FNIP1: variants seen among roughly 807,000 people sequenced by gnomAD.
FNIP1 encodes the protein folliculin interacting protein 1.
Under a neutral mutation model 124.5 loss-of-function variants are expected in FNIP1, and 40 were observed. The ratio of observed to expected loss-of-function variants is 0.32; its 90% CI spans 0.25 to 0.42. The LOEUF is 0.42. FNIP1 is among the 10% of genes least tolerant of loss of function. FNIP1 has a pLI of 1.00. For synonymous variants in FNIP1, 472 were observed against 470.6 expected (o/e 1.00, Z -0.04); for missense variants, 1,176 against 1,403.7 (o/e 0.84, Z 2.59).
rs548488336 is a variant in FNIP1, at chr5:131,665,080, AATC to A, written c.3108+5380_3108+5382del. 1.8e-4 allele frequency among the ~76,000 whole-genome samples: 27 copies of A among 152,188 alleles called. No homozygotes were observed. The East Asian group carries it at 5.2e-3, about 29-fold the overall frequency. ...TAAATACACATACATACAGAATAATAATCATAACAAGAAGATGCAAAGCACAGT... is the reference window on the plus strand; with the variant it reads ...TAAATACACATACATACAGAATAATAATAACAAGAAGATGCAAAGCACAGT... On this transcript the variant is annotated intron_variant, in intron 15 of 17. Transcript: ENST00000510461.
intron 3 of FNIP1, among the ~76,000 whole-genome samples, chr5:131,722,441 T>A (rs909672912): frequency 6.6e-6 from 1 of 152,202 alleles, no homozygotes; most frequent in Non-Finnish European, 1.5e-5. Flanking sequence ...CTAAAATATT[T>A]AGGAAAATTC....
chr5:131,718,442 C>G (rs1769544372), intron 5 of FNIP1, among the ~76,000 whole-genome samples: 1 of 152,168 alleles, frequency 6.6e-6, no homozygotes, highest in Admixed American at 6.5e-5. Flanking sequence ...TCTTCCACTG[C>G]CTAACTTTAG....
intron 5 of FNIP1, among the ~76,000 whole-genome samples, chr5:131,717,947 C>T (rs746431348): frequency 4.7e-4 from 71 of 151,456 alleles, no homozygotes; most frequent in Middle Eastern, 3.4e-3. Flanking sequence ...TTTGGGAGGC[C>T]GAGGCAGGCA....
chr5:131,677,492 C>A, intron 13 of FNIP1: 1 of 461,656 alleles, frequency 2.2e-6, no homozygotes, highest in Non-Finnish European at 3.9e-6. Context: ...GCTCCTCTTG[C>A]TCTACCTGCA....
intron 1 of FNIP1, among the ~76,000 whole-genome samples, chr5:131,763,366 A>G (rs1245059597): frequency 2.6e-5 from 4 of 151,954 alleles, no homozygotes; most frequent in South Asian, 2.1e-4. Flanking sequence ...ATGAATGCAT[A>G]TTATTGGTCC....
chr5:131,785,384 G>A (rs923393647), intron 1 of FNIP1, among the ~76,000 whole-genome samples: 4 of 151,316 alleles, frequency 2.6e-5, no homozygotes, highest in South Asian at 2.1e-4. Context: ...GTGAAACCCC[G>A]CCGCTACTAA....
chr5:131,728,504 C>T (rs1213578074), intron 3 of FNIP1, among the ~76,000 whole-genome samples: 1 of 152,006 alleles, frequency 6.6e-6, no homozygotes, highest in Non-Finnish European at 1.5e-5. Context: ...TCATGAAGTT[C>T]TCGTACTGTG....
chr5:131,652,085 C>A, intron 15 of FNIP1, 86 bp from the exon 16 acceptor site: 5 of 1,269,560 alleles, frequency 3.9e-6, no homozygotes, highest in Non-Finnish European at 5.4e-6. Context: ...GTTTACTAAA[C>A]AAAAACAGAA....
In FNIP1 at chr5:131,644,623, T is replaced by C. The variant is rs1000822328; in HGVS notation, c.*62A>G. On this transcript the variant is annotated 3_prime_UTR_variant, in exon 18 of 18. Coordinates refer to ENST00000510461, the MANE Select transcript of FNIP1 (RefSeq NM_133372.3). ...GAAAAAGAATCTCCATAAATGCATG[T>C]TGTGTCTGCTTCCTTGGTTTCTACC... 9 of 1,391,810 alleles carry C rather than the reference T, an allele frequency of 6.5e-6. No individual in the cohort carries two copies. The highest frequency in any genetic ancestry group is 1.7e-5 in the Admixed American group (1 of 59,130). 86.2% of individuals were successfully genotyped at this position (1,391,810 alleles called of 1,614,324 possible). A position where few individuals can be genotyped will look rare whatever the true frequency, so the allele number is the denominator to read the frequency against.
Position 131,693,342 on chromosome 5 carries a change from A to G in FNIP1, c.1202+5575T>C, listed in dbSNP as rs1434771182. 6.9e-5 allele frequency among the ~76,000 whole-genome samples: 9 copies of G among 130,978 alleles called. 1 individual carries two copies. Among genetic ancestry groups the G allele is most frequent in the African/African-American group, 1.4e-4 (5 of 35,144 alleles). The allele number at this position is 130,978 out of a possible 152,430, so 85.9% of individuals were successfully genotyped here. A position where few individuals can be genotyped will look rare whatever the true frequency, so the allele number is the denominator to read the frequency against. On this transcript the variant is annotated intron_variant, in intron 11 of 17. Transcript: ENST00000510461. Reference sequence around the variant, plus strand: ...CACATATATATATATACATATATATATATATATATATATATATATAGTTAC... The same window carrying G: ...CACATATATATATATACATATATATGTATATATATATATATATATAGTTAC...
At chr5:131,716,749 CA>C in intron 5 of FNIP1, 93 bp from the exon 6 acceptor site, 7 of 670,694 alleles carry the variant, frequency 1.0e-5, no homozygotes, top group Non-Finnish European at 1.7e-5. Flanking sequence ...AGTGCAAAAA[CA>C]GTTTCTTCCT....
chr5:131,696,101 T>G (rs74291366), intron 11 of FNIP1, among the ~76,000 whole-genome samples: 2 of 152,246 alleles, frequency 1.3e-5, no homozygotes, highest in African/African-American at 4.8e-5. Flanking sequence ...ATAATCCTGA[T>G]GTTAAAATTA....
chr5:131,786,107 C>T (rs1307795746), intron 1 of FNIP1, among the ~76,000 whole-genome samples: 1 of 152,126 alleles, frequency 6.6e-6, no homozygotes, highest in African/African-American at 2.4e-5. Context: ...GAAAAATCTG[C>T]TTAAATTGCT....
intron 1 of FNIP1, among the ~76,000 whole-genome samples, chr5:131,754,076 T>G (rs1436492056): frequency 6.6e-6 from 1 of 152,218 alleles, no homozygotes; most frequent in South Asian, 2.1e-4. Context: ...TCTCCCAAAG[T>G]GGTGGGATTA....
chr5:131,776,927 TA>T (rs1236940729), intron 1 of FNIP1, among the ~76,000 whole-genome samples: 4 of 152,148 alleles, frequency 2.6e-5, no homozygotes, highest in African/African-American at 9.7e-5. Flanking sequence ...GAATACATGT[TA>T]TACTTCAATA....
chr5:131,723,194 T>C (rs1284513105), intron 3 of FNIP1, among the ~76,000 whole-genome samples: 1 of 152,208 alleles, frequency 6.6e-6, no homozygotes, highest in Non-Finnish European at 1.5e-5. Context: ...CAGTATTACT[T>C]GGCAACCTAA....
chr5:131,738,602 C>G (rs1770398698), intron 2 of FNIP1, among the ~76,000 whole-genome samples: 1 of 152,088 alleles, frequency 6.6e-6, no homozygotes, highest in African/African-American at 2.4e-5. Flanking sequence ...TGGGATCAAG[C>G]AATTCTCGTG....
intron 15 of FNIP1, among the ~76,000 whole-genome samples, chr5:131,662,162 G>A (rs189719868): frequency 6.6e-6 from 1 of 152,222 alleles, no homozygotes; most frequent in East Asian, 1.9e-4. Flanking sequence ...CAAGCCCTTG[G>A]GTGAGTTTTG....
At position 131,746,653 on chromosome 5, in the gene FNIP1, C is replaced by T. The variant is rs1157516053; in HGVS notation, c.93-1963G>A. On this transcript the variant is annotated intron_variant, in intron 1 of 17. Transcript: ENST00000510461. ...AGTATTCCATAGTACATACATACCA[C>T]ATTTTCTTTATCCAATCCACCACTG... Among the ~76,000 whole-genome samples, 9 of 152,338 alleles carry T rather than the reference C, an allele frequency of 5.9e-5. No homozygotes were observed. In the East Asian group the frequency reaches 1.2e-3, roughly 20 times the overall value.
Sources: allele counts gnomAD v4.1 joint callset (sites outside exome capture counted in the v4.1 genomes callset), GRCh38; gene constraint gnomAD v4.1.1; transcripts MANE v1.5; gene names NCBI Gene and HGNC (gene_info 2026-07-23, HGNC 2026-07-21).